The following NCALD variants were observed in gnomAD, a reference collection of about 807,000 sequenced individuals.
NCALD encodes the protein neurocalcin-delta.
A neutral mutation model predicts 18.6 loss-of-function variants in NCALD; 10 were observed. The ratio of observed to expected loss-of-function variants is 0.54; its 90% confidence interval spans 0.33 to 0.91. The LOEUF (loss-of-function observed/expected upper bound fraction) is 0.91. Ranked by LOEUF, NCALD falls within the 40% of genes least tolerant of loss-of-function variation. NCALD has a pLI of 0.03. For synonymous variants in NCALD, 88 were observed against 87.4 expected, an observed-to-expected ratio of 1.01 and a Z score of -0.04; for missense variants, 184 against 247.6, an observed-to-expected ratio of 0.74 and a Z score of 1.72.
chr8:101,708,528 T>C (rs960946049), intron 2 of NCALD, among the ~76,000 whole-genome samples: 2 of 152,236 alleles, frequency 1.3e-5, no homozygotes, highest in African/African-American at 4.8e-5. Flanking sequence ...ATTGTGGCAA[T>C]AATAATGGTA....
chr8:101,798,700 A>G (rs1812729861), intron 4 of NCALD, among the ~76,000 whole-genome samples: 2 of 152,254 alleles, frequency 1.3e-5, no homozygotes, highest in Non-Finnish European at 2.9e-5. Context: ...AATAGCTGAA[A>G]TAACTTTGAA....
chr8:101,929,710 G>A (rs1232465052), intron 2 of NCALD, among the ~76,000 whole-genome samples: 1 of 151,026 alleles, frequency 6.6e-6, no homozygotes, highest in Non-Finnish European at 1.5e-5. Context: ...GGAGGGGGAT[G>A]AGAGGGCAGA....
At chr8:101,736,581 C>T (rs576283682) in intron 1 of NCALD, among the ~76,000 whole-genome samples, 9 of 152,114 alleles carry the variant, frequency 5.9e-5, no homozygotes, top group Middle Eastern at 3.2e-3. Context: ...TGGCCATGTC[C>T]GACAAAAACA....
At chr8:101,690,733 TC>T (rs1351067794) in intron 3 of NCALD, 1 of 985,472 alleles carries the variant, frequency 1.0e-6, no homozygotes. Flanking sequence ...GCTGATCCCC[TC>T]CAAGCTCTGT....
intron 1 of NCALD, among the ~76,000 whole-genome samples, chr8:102,056,502 G>T (rs539380902): frequency 3.9e-5 from 6 of 152,284 alleles, no homozygotes; most frequent in African/African-American, 1.4e-4. Context: ...TGAAGGAATG[G>T]GTGGATACAC....
chr8:101,882,154 T>TG (rs1404734280), intron 4 of NCALD, among the ~76,000 whole-genome samples: 1 of 152,172 alleles, frequency 6.6e-6, no homozygotes, highest in African/African-American at 2.4e-5. Context: ...AGTGCTATGT[T>TG]GAAAAAAACA....
chr8:101,840,201 T>G (rs376446383), intron 4 of NCALD, among the ~76,000 whole-genome samples: 12 of 151,812 alleles, frequency 7.9e-5, no homozygotes, highest in African/African-American at 2.9e-4. Flanking sequence ...AAGCCAGAGA[T>G]TGAATTAAAG....
chr8:101,807,347 A>C (rs1043803155), intron 4 of NCALD, among the ~76,000 whole-genome samples: 2 of 152,170 alleles, frequency 1.3e-5, no homozygotes, highest in African/African-American at 4.8e-5. Flanking sequence ...GAATTGTAAA[A>C]TATTGTTGTA....
chr8:101,787,129 A>G (rs974467424), intron 1 of NCALD, among the ~76,000 whole-genome samples: 15 of 152,214 alleles, frequency 9.9e-5, no homozygotes, highest in African/African-American at 2.9e-4. Context: ...ATGAAGCACC[A>G]GTTAAATAAA....
intron 4 of NCALD, among the ~76,000 whole-genome samples, chr8:101,830,011 A>G (rs550136114): frequency 6.6e-6 from 1 of 150,700 alleles, no homozygotes; most frequent in Admixed American, 6.6e-5. Context: ...AAGTCTCAAA[A>G]GAAGCTGCTA....
At chr8:101,973,574 G>A (rs917065916) in intron 2 of NCALD, among the ~76,000 whole-genome samples, 1 of 152,176 alleles carries the variant, frequency 6.6e-6, no homozygotes, top group Non-Finnish European at 1.5e-5. Flanking sequence ...AACTAGGAAT[G>A]TCCACTGCAC....
chr8:102,000,815 C>T (rs2132024352), intron 2 of NCALD, among the ~76,000 whole-genome samples: 1 of 152,322 alleles, frequency 6.6e-6, no homozygotes, highest in Admixed American at 6.5e-5. Context: ...AGCTGAGGGT[C>T]CTGACTGTTA....
At chr8:101,884,237 G>A (rs1371122046) in intron 4 of NCALD, among the ~76,000 whole-genome samples, 1 of 152,122 alleles carries the variant, frequency 6.6e-6, no homozygotes, top group Non-Finnish European at 1.5e-5. Flanking sequence ...TGTGGTACCT[G>A]CATTTTATAG....
chr8:101,819,826 T>C (rs889723723), intron 4 of NCALD, among the ~76,000 whole-genome samples: 1 of 152,184 alleles, frequency 6.6e-6, no homozygotes, highest in Non-Finnish European at 1.5e-5. Context: ...GAGAACCCAC[T>C]GTCCTACTGC....
At chr8:102,114,900 A>G (rs115038410) in intron 1 of NCALD, among the ~76,000 whole-genome samples, 2,177 of 152,326 alleles carry the variant, frequency 0.014, 74 homozygotes, top group African/African-American at 0.049. Flanking sequence ...AAGGCAGAGG[A>G]AACTGGCCTG....
At chr8:101,893,236 A>T in intron 3 of NCALD, among the ~76,000 whole-genome samples, 1 of 151,780 alleles carries the variant, frequency 6.6e-6, no homozygotes. Flanking sequence ...AGAATTGTCA[A>T]CCCAGAATTT....
chr8:101,806,705 A>G (rs1458297320), intron 4 of NCALD, among the ~76,000 whole-genome samples: 1 of 152,168 alleles, frequency 6.6e-6, no homozygotes, highest in Non-Finnish European at 1.5e-5. Context: ...GAACAGAGAC[A>G]GCCTCAGAGA....
chr8:102,001,334 T>G (rs1821457467), intron 2 of NCALD, among the ~76,000 whole-genome samples: 1 of 152,046 alleles, frequency 6.6e-6, no homozygotes, highest in South Asian at 2.1e-4. Flanking sequence ...GAAAAAAGAA[T>G]AAAAAGAAAT....
At chr8:101,923,982 G>T (rs1224679215) in intron 2 of NCALD, among the ~76,000 whole-genome samples, 1 of 152,092 alleles carries the variant, frequency 6.6e-6, no homozygotes, top group African/African-American at 2.4e-5. Flanking sequence ...TGGGTAAATT[G>T]TGTGATGCTG....
Sources: gnomAD v4.1 joint callset for allele counts (sites outside exome capture counted in the v4.1 genomes callset) on GRCh38, gnomAD v4.1.1 for gene constraint, MANE v1.5 for transcripts, NCBI Gene and HGNC (gene_info 2026-07-23, HGNC 2026-07-21) for gene names.